IQCH: variants seen among roughly 807,000 people sequenced by gnomAD.
IQCH encodes IQ motif containing H.
Under a neutral mutation model 117.0 loss-of-function variants are expected in IQCH, and 98 were observed. The observed-to-expected ratio is 0.84, with a 90% confidence interval of 0.71 to 0.99. IQCH has a LOEUF of 0.99. Among genes scored for constraint, IQCH ranks in the 50% least tolerant of loss-of-function variants. The pLI is 0.00. For synonymous variants in IQCH, 412 were observed against 448.2 expected (o/e 0.92, Z 1.02); for missense variants, 1,102 against 1,243.8 (o/e 0.89, Z 1.72).
Position 67,413,318 on chromosome 15 carries a change from GTTC to G in IQCH, c.2098-3610_2098-3608del, listed in dbSNP as rs912368980. 1.3e-5 allele frequency among the ~76,000 whole-genome samples: 2 copies of G among 152,154 alleles called. No individual in the cohort carries two copies. Among genetic ancestry groups the G allele is most frequent in the African/African-American group, 4.8e-5 (2 of 41,418 alleles). On this transcript the variant is annotated intron_variant, in intron 14 of 20. Coordinates refer to ENST00000335894, the MANE Select transcript of IQCH (RefSeq NM_001031715.3). The surrounding 1 kb of genome is among the most constrained non-coding windows in gnomAD (Gnocchi z 5.0). ...CCTTGTTGCTTCTTGGGAAAACAGT[GTTC>G]TTAGCTTGTTAAACCACTGCTGCGA... is the stretch of plus-strand genomic sequence containing the variant.
chr15:67,457,767 G>A lies in IQCH; in HGVS notation c.2506-7360G>A, dbSNP rs553787207. Among the ~76,000 whole-genome samples, 11 of 152,304 alleles carry A rather than the reference G, an allele frequency of 7.2e-5. No homozygotes were observed. Among genetic ancestry groups the A allele is most frequent in the Non-Finnish European group, 1.3e-4 (9 of 68,014 alleles). ...AGGCCAGCACTCCCAGCGAGGTCCT[G>A]TGACTCTGGTCCAGGGCACTCTCTG... On this transcript the variant is annotated intron_variant, in intron 16 of 20. Transcript: ENST00000335894. The surrounding 1 kb of genome is among the most constrained non-coding windows in gnomAD (Gnocchi z 5.7).
intron 1 of IQCH, among the ~76,000 whole-genome samples, chr15:67,258,244 A>AG (rs923833105): frequency 2.6e-5 from 4 of 151,108 alleles, no homozygotes; most frequent in African/African-American, 9.7e-5. Context: ...CAAAAAAAAA[A>AG]AAAGGCCAAG....
intron 3 of IQCH, among the ~76,000 whole-genome samples, chr15:67,268,901 TA>T (rs1284925086): frequency 1.3e-5 from 2 of 150,442 alleles, no homozygotes; most frequent in African/African-American, 4.9e-5. Flanking sequence ...TGAAACTTTT[TA>T]AAACAAAAAA....
chr15:67,465,112 T>G lies in IQCH; in HGVS notation c.2506-15T>G, dbSNP rs2082897068. 1.2e-6 allele frequency: 2 copies of G among 1,611,892 alleles called. No homozygotes were observed. The highest frequency in any genetic ancestry group is 1.7e-6 in the Non-Finnish European group (2 of 1,178,434). On this transcript the variant is annotated splice_polypyrimidine_tract_variant and intron_variant, in intron 16 of 20. Coordinates refer to ENST00000335894, the MANE Select transcript of IQCH (RefSeq NM_001031715.3). The surrounding 1 kb of genome is among the most constrained non-coding windows in gnomAD (Gnocchi z 5.9). ...CTGATTTCACCCTCACTTCTACGGC[T>G]CCTGTTTTAATCAGGTGTGGGCAAC...
Position 67,314,213 on chromosome 15 carries a change from C to T in IQCH, c.388-22762C>T, listed in dbSNP as rs182556762. ...TTAGATAAAAGCAGGACTTGTTGGG[C>T]AAGAGAAGTGGTGGCAAGAGAAAAG... On this transcript the variant is annotated intron_variant, in intron 4 of 20. Transcript: ENST00000335894. Among the ~76,000 whole-genome samples, 3 of 152,174 alleles carry T rather than the reference C, an allele frequency of 2.0e-5. No homozygotes were observed. In the East Asian group the frequency reaches 5.8e-4, roughly 29 times the overall value.
Position 67,475,679 on chromosome 15 carries a change from G to T in IQCH, c.2677-17G>T, listed in dbSNP as rs753533145. 3.7e-6 allele frequency: 6 copies of T among 1,611,824 alleles called. No individual in the cohort carries two copies. The Admixed American group carries it at 1.0e-4, about 27-fold the overall frequency. On this transcript the variant is annotated splice_polypyrimidine_tract_variant and intron_variant, in intron 17 of 20. Coordinates refer to ENST00000335894, the MANE Select transcript of IQCH (RefSeq NM_001031715.3). This position sits in a 1 kb window ranked among gnomAD's most constrained non-coding sequence, Gnocchi z 5.7. The stretch of plus-strand genomic sequence containing the variant: ...TATTTAAATATCTGTTTAATATTCA[G>T]TTGTGCTCCTTTCCAGATGCTGGCA...
chr15:67,434,898 A>G (rs867738959), intron 16 of IQCH, among the ~76,000 whole-genome samples: 28 of 146,230 alleles, frequency 1.9e-4, no homozygotes, highest in Admixed American at 1.8e-3. Flanking sequence ...TGCCTCACCT[A>G]CTGAGTAGCT....
At chr15:67,471,789 C>G (rs1039816857) in intron 17 of IQCH, among the ~76,000 whole-genome samples, 1 of 152,212 alleles carries the variant, frequency 6.6e-6, no homozygotes, top group African/African-American at 2.4e-5. Flanking sequence ...CTTGTGCTAT[C>G]AGGCTGGACA....
intron 1 of IQCH, among the ~76,000 whole-genome samples, chr15:67,258,372 A>C (rs1965317380): frequency 6.6e-6 from 1 of 152,014 alleles, no homozygotes; most frequent in African/African-American, 2.4e-5. Context: ...CTCTACTAAA[A>C]ATACAAAAAT....
intron 1 of IQCH, 175 bp downstream of exon 1, chr15:67,255,122 C>A (rs1264403469): frequency 1.2e-5 from 8 of 652,326 alleles, no homozygotes; most frequent in Non-Finnish European, 2.2e-5. Flanking sequence ...GCCCAGCACA[C>A]TCCCGGTGAC....
intron 1 of IQCH, among the ~76,000 whole-genome samples, chr15:67,258,147 A>G (rs1214170369): frequency 6.6e-6 from 1 of 151,514 alleles, no homozygotes; most frequent in Non-Finnish European, 1.5e-5. Flanking sequence ...AAGGAGAATT[A>G]CTTGAACCTG....
At chr15:67,263,710 G>T (rs190304181) in intron 3 of IQCH, among the ~76,000 whole-genome samples, 317 of 152,230 alleles carry the variant, frequency 2.1e-3, no homozygotes, top group Non-Finnish European at 3.9e-3. Flanking sequence ...AGATCACCTG[G>T]TACTTTATGG....
chr15:67,436,063 C>T lies in IQCH; in HGVS notation c.2505+14486C>T, dbSNP rs998009219. Among the ~76,000 whole-genome samples the T allele has an allele frequency of 1.3e-5, 2 of 152,116 alleles. No individual in the cohort carries two copies. The highest frequency in any genetic ancestry group is 6.5e-5 in the Admixed American group (1 of 15,288). On this transcript the variant is annotated intron_variant, in intron 16 of 20. Transcript: ENST00000335894. This position sits in a 1 kb window ranked among gnomAD's most constrained non-coding sequence, Gnocchi z 5.1. ...GCTTTACCTATTTCTTAAGACAATA[C>T]TCAATCACCCCCTCCCAGCATATGG...
At chr15:67,334,565 T>C (rs566031726) in intron 4 of IQCH, among the ~76,000 whole-genome samples, 7 of 152,350 alleles carry the variant, frequency 4.6e-5, no homozygotes, top group African/African-American at 1.7e-4. Context: ...CTGCAGTACA[T>C]CTTAACTTTG....
At chr15:67,317,584 A>T (rs974610552) in intron 4 of IQCH, among the ~76,000 whole-genome samples, 1 of 152,252 alleles carries the variant, frequency 6.6e-6, no homozygotes, top group East Asian at 1.9e-4. Flanking sequence ...CCATCATAGC[A>T]TGCTTTTAAA....
At chr15:67,264,801 T>TA (rs1246127378) in intron 3 of IQCH, among the ~76,000 whole-genome samples, 1 of 151,940 alleles carries the variant, frequency 6.6e-6, no homozygotes, top group Non-Finnish European at 1.5e-5. Flanking sequence ...TGTACTCCTC[T>TA]ATTTATCTTC....
At chr15:67,412,420 T>A (rs1235600179) in intron 14 of IQCH, among the ~76,000 whole-genome samples, 1 of 152,128 alleles carries the variant, frequency 6.6e-6, no homozygotes, top group Non-Finnish European at 1.5e-5. Context: ...TTTTGTTTGT[T>A]TCTTAAGAGA....
At chr15:67,394,684 T>G (rs866993042) in intron 12 of IQCH, among the ~76,000 whole-genome samples, 4 of 152,170 alleles carry the variant, frequency 2.6e-5, no homozygotes, top group Non-Finnish European at 5.9e-5. Flanking sequence ...CACTGAAAAA[T>G]GAATTTGAGT....
rs111271596 is a variant in IQCH at position 67,255,875 on chromosome 15, C to G, written c.51+928C>G. Among the ~76,000 whole-genome samples the G allele has an allele frequency of 2.0e-5, 3 of 152,288 alleles. 1 individual carries two copies. The highest frequency in any genetic ancestry group is 7.2e-5 in the African/African-American group (3 of 41,550). The stretch of plus-strand genomic sequence containing the variant: ...ATAGACTTCCCCATTAAGAATCATA[C>G]CTAATCTTACCTGATCTTTTCTCAC... On this transcript the variant is annotated intron_variant, in intron 1 of 20. Transcript: ENST00000335894.
Sources: gnomAD v4.1 joint callset for allele counts (sites outside exome capture counted in the v4.1 genomes callset) on GRCh38, gnomAD v4.1.1 for gene constraint, Gnocchi (gnomAD v3.1) non-coding constraint, MANE v1.5 for transcripts, NCBI Gene and HGNC (gene_info 2026-07-23, HGNC 2026-07-21) for gene names.